ZBTB38: variants seen among roughly 807,000 people sequenced by gnomAD.
ZBTB38 encodes zinc finger and BTB domain containing 38, also known as zinc finger and BTB domain-containing protein 38.
Under a neutral mutation model 76.8 loss-of-function variants are expected in ZBTB38, and 20 were observed. The ratio of observed to expected loss-of-function variants is 0.26; its 90% CI spans 0.18 to 0.38. The LOEUF is 0.38. ZBTB38 is among the 10% of genes least tolerant of loss of function. ZBTB38 has a pLI of 1.00. For synonymous variants in ZBTB38, 504 were observed against 544.2 expected, an observed-to-expected ratio of 0.93 and a Z score of 1.03; for missense variants, 1,082 against 1,482.3, an observed-to-expected ratio of 0.73 and a Z score of 4.43.
chr3:141,419,437 G>C (rs945086683), intron 5 of ZBTB38, among the ~76,000 whole-genome samples: 6 of 152,158 alleles, frequency 3.9e-5, no homozygotes, highest in African/African-American at 1.4e-4. Flanking sequence ...CCAACCAAAA[G>C]ATGAGATGGT....
intron 2 of ZBTB38, among the ~76,000 whole-genome samples, chr3:141,378,435 T>A (rs960974674): frequency 2.6e-5 from 4 of 152,220 alleles, no homozygotes; most frequent in Non-Finnish European, 4.4e-5. Flanking sequence ...TTATTTGAAC[T>A]ATACCAGCAT....
Position 141,413,227 on chromosome 3 carries a change from A to G in ZBTB38, c.-1+9196A>G, listed in dbSNP as rs757699111. 6.6e-6 allele frequency among the ~76,000 whole-genome samples: 1 copy of G among 152,212 alleles called. No homozygotes were observed. The highest frequency in any genetic ancestry group is 1.5e-5 in the Non-Finnish European group (1 of 68,046). On this transcript the variant is annotated intron_variant, in intron 5 of 5. Coordinates refer to ENST00000321464, the MANE Select transcript of ZBTB38 (RefSeq NM_001376113.1). The surrounding 1 kb of genome is among the most constrained non-coding windows in gnomAD (Gnocchi z 4.1). ...CGCCTGGAGCCAGGTGTCTGTTGAC[A>G]GTGGGGAGGAGGTGGGGAAGACCCA...
chr3:141,375,802 C>G (rs867300421), intron 2 of ZBTB38, among the ~76,000 whole-genome samples: 2 of 152,164 alleles, frequency 1.3e-5, no homozygotes, highest in African/African-American at 4.8e-5. Flanking sequence ...GATGGAGTCC[C>G]ACTGTGTGAC....
chr3:141,430,055 TTTTTG>T (rs574326965), intron 5 of ZBTB38, among the ~76,000 whole-genome samples: 5 of 152,114 alleles, frequency 3.3e-5, no homozygotes, highest in South Asian at 2.1e-4. Flanking sequence ...GTTTTTTCGT[TTTTTG>T]TTTTGTTTTG....
rs561701086 is a variant in ZBTB38 at position 141,380,005 on chromosome 3, C to A, written c.-234-1420C>A. On this transcript the variant is annotated intron_variant, in intron 2 of 5. Coordinates refer to ENST00000321464, the MANE Select transcript of ZBTB38 (RefSeq NM_001376113.1). The stretch of plus-strand genomic sequence containing the variant: ...GTCATTTAGTCATTAATTCAATTAA[C>A]CTATAACTATTTTTAAGTATCTGAC... Among the ~76,000 whole-genome samples, 19 of 152,246 alleles carry A rather than the reference C, an allele frequency of 1.2e-4. No homozygotes were observed. In the South Asian group the frequency reaches 3.9e-3, roughly 32 times the overall value.
chr3:141,341,380 G>A (rs1943194003), intron 1 of ZBTB38, among the ~76,000 whole-genome samples: 1 of 152,188 alleles, frequency 6.6e-6, no homozygotes, highest in African/African-American at 2.4e-5. Context: ...TACAAATGCT[G>A]TTCATACCAG....
At chr3:141,391,525 T>C (rs1948867226) in intron 4 of ZBTB38, among the ~76,000 whole-genome samples, 2 of 152,202 alleles carry the variant, frequency 1.3e-5, no homozygotes, top group African/African-American at 4.8e-5. Flanking sequence ...CATGGGGTCA[T>C]TGCCTTTGAC....
At chr3:141,437,184 C>CT (rs552856377) in intron 5 of ZBTB38, among the ~76,000 whole-genome samples, 1 of 152,098 alleles carries the variant, frequency 6.6e-6, no homozygotes, top group African/African-American at 2.4e-5. Context: ...GATTTGGACT[C>CT]TTTGTTTTAA....
intron 5 of ZBTB38, among the ~76,000 whole-genome samples, chr3:141,428,027 C>G (rs1426255403): frequency 6.6e-6 from 1 of 152,206 alleles, no homozygotes; most frequent in Non-Finnish European, 1.5e-5. Context: ...GATCCCAGGC[C>G]CAAGGCCCAC....
chr3:141,440,149 G>A (rs2079787275), intron 5 of ZBTB38, among the ~76,000 whole-genome samples: 1 of 152,198 alleles, frequency 6.6e-6, no homozygotes, highest in African/African-American at 2.4e-5. Context: ...AAGAACTAAT[G>A]TTAAATAAAG....
intron 1 of ZBTB38, among the ~76,000 whole-genome samples, chr3:141,369,438 G>T (rs748470453): frequency 6.6e-6 from 1 of 152,202 alleles, no homozygotes; most frequent in Non-Finnish European, 1.5e-5. Context: ...GACACAATGT[G>T]TCTGTTTTAA....
At position 141,443,166 on chromosome 3, in the gene ZBTB38, C is replaced by T. The variant is rs1404749549; in HGVS notation, c.778C>T (p.Pro260Ser). The T allele has an allele frequency of 1.2e-6, 2 of 1,614,208 alleles. No individual in the cohort carries two copies. Among genetic ancestry groups the T allele is most frequent in the East Asian group, 2.2e-5 (1 of 44,880 alleles). ...KENCEALAAK[P>S]KTCRKPKTFS... ...AAATTGTGAAGCCCTTGCAGCGAAA[C>T]CGAAAACATGCCGGAAGCCAAAGAC... Residue 260 changes from proline to serine, a missense_variant, in exon 6 of 6, where the codon CCG becomes TCG. Around this residue, in one of 8 missense-constraint regions of ZBTB38, gnomAD observed 324 missense variants for 359.1 expected, o/e 0.90. Transcript: ENST00000321464. This position sits in a 1 kb window ranked among gnomAD's most constrained non-coding sequence, Gnocchi z 5.6.
rs12107136 is a variant in ZBTB38, at chr3:141,379,185, G to A, written c.-234-2240G>A. On this transcript the variant is annotated intron_variant, in intron 2 of 5. Coordinates refer to ENST00000321464, the MANE Select transcript of ZBTB38 (RefSeq NM_001376113.1). Reference sequence around the variant, plus strand: ...TTTTTGCCAGACTTGGCCCTGGAAAGACAGTTTTGAAATTAAATTTATTGT... The same window carrying A: ...TTTTTGCCAGACTTGGCCCTGGAAAAACAGTTTTGAAATTAAATTTATTGT... 5.0e-3 allele frequency among the ~76,000 whole-genome samples: 761 copies of A among 152,290 alleles called. 9 individuals carry two copies. The highest frequency in any genetic ancestry group is 0.017 in the African/African-American group (724 of 41,544).
At chr3:141,378,659 T>G (rs371796517) in intron 2 of ZBTB38, among the ~76,000 whole-genome samples, 46 of 152,326 alleles carry the variant, frequency 3.0e-4, no homozygotes, top group African/African-American at 1.1e-3. Context: ...TATGAGCAAC[T>G]CCTACTATTT....
chr3:141,387,124 A>G (rs1215170240), intron 4 of ZBTB38, 187 bp downstream of exon 4: 1 of 152,486 alleles, frequency 6.6e-6, no homozygotes, highest in Non-Finnish European at 1.5e-5. Context: ...TCTGTATGCC[A>G]TATCATCTGG....
At chr3:141,401,736 G>A (rs1232302913) in intron 4 of ZBTB38, among the ~76,000 whole-genome samples, 1 of 151,952 alleles carries the variant, frequency 6.6e-6, no homozygotes, top group Non-Finnish European at 1.5e-5. Context: ...GCCAGCTTGT[G>A]GCAGGCCCTC....
intron 1 of ZBTB38, among the ~76,000 whole-genome samples, chr3:141,359,373 G>A (rs904516837): frequency 6.6e-5 from 10 of 152,214 alleles, no homozygotes; most frequent in African/African-American, 2.4e-4. Flanking sequence ...CCAGGATCAT[G>A]CCACACATCC....
intron 5 of ZBTB38, among the ~76,000 whole-genome samples, chr3:141,424,643 T>TGTGC (rs1265402582): frequency 6.8e-6 from 1 of 147,654 alleles, no homozygotes; most frequent in East Asian, 2.0e-4. Flanking sequence ...TGTATGTGTG[T>TGTGC]GTGTGCGTGT....
At chr3:141,423,313 TTTTG>T (rs2075784233) in intron 5 of ZBTB38, among the ~76,000 whole-genome samples, 1 of 152,312 alleles carries the variant, frequency 6.6e-6, no homozygotes, top group East Asian at 1.9e-4. Context: ...AGTTATAGGT[TTTTG>T]TTTGTTTGTT....
Sources: allele counts gnomAD v4.1 joint callset (sites outside exome capture counted in the v4.1 genomes callset), GRCh38; gene constraint gnomAD v4.1.1; regional missense constraint gnomAD v4.1.1; non-coding constraint Gnocchi (gnomAD v3.1); transcripts MANE v1.5; gene names NCBI Gene and HGNC (gene_info 2026-07-23, HGNC 2026-07-21).